MSH3: variants seen among roughly 807,000 people sequenced by gnomAD.
MSH3 encodes the protein DNA mismatch repair protein Msh3.
A neutral mutation model predicts 123.3 loss-of-function variants in MSH3; 106 were observed. That is an observed-to-expected ratio of 0.86 (90% CI 0.73 to 1.01). MSH3 has a LOEUF of 1.01. MSH3 is among the 50% of genes least tolerant of loss of function. The pLI is 0.00. For missense variants in MSH3, 1,459 were observed against 1,347.6 expected, an observed-to-expected ratio of 1.08 and a Z score of -1.29; for synonymous variants, 515 against 481.4, an observed-to-expected ratio of 1.07 and a Z score of -0.91.
At chr5:80,858,734 T>G (rs1454793683) in intron 21 of MSH3, among the ~76,000 whole-genome samples, 1 of 152,168 alleles carries the variant, frequency 6.6e-6, no homozygotes. Context: ...ATTGATGGTG[T>G]TGTTGAGTTC....
At position 80,831,232 on chromosome 5, in the gene MSH3, T is replaced by C. The variant is rs142989726; in HGVS notation, c.2813+17491T>C. Among the ~76,000 whole-genome samples, 905 of 152,366 alleles carry C rather than the reference T, an allele frequency of 5.9e-3. 7 individuals carry two copies. The highest frequency in any genetic ancestry group is 0.02 in the African/African-American group (852 of 41,590). On this transcript the variant is annotated intron_variant, in intron 20 of 23. Coordinates refer to ENST00000265081, the MANE Select transcript of MSH3 (RefSeq NM_002439.5). ...CTTGTCTTAACAGAATGATACGATA[T>C]AATTCTTAAATGTATCATTTGTGAT...
At chr5:80,843,451 G>A (rs972843287) in intron 20 of MSH3, among the ~76,000 whole-genome samples, 7 of 152,132 alleles carry the variant, frequency 4.6e-5, no homozygotes, top group African/African-American at 1.2e-4. Flanking sequence ...CTCTTTCTCT[G>A]TTGATTGGAA....
chr5:80,812,719 C>T (rs1227183478), intron 19 of MSH3, among the ~76,000 whole-genome samples: 1 of 151,750 alleles, frequency 6.6e-6, no homozygotes, highest in East Asian at 1.9e-4. Context: ...GAACTGGCAT[C>T]ATCACACCCA....
chr5:80,763,588 C>T (rs1182191317), intron 13 of MSH3, among the ~76,000 whole-genome samples: 1 of 152,174 alleles, frequency 6.6e-6, no homozygotes, highest in Non-Finnish European at 1.5e-5. Context: ...TCTCCAGGCA[C>T]CTTGCCTTAA....
At chr5:80,868,382 G>A (rs1258241858) in intron 22 of MSH3, among the ~76,000 whole-genome samples, 3 of 151,602 alleles carry the variant, frequency 2.0e-5, no homozygotes, top group Non-Finnish European at 4.4e-5. Context: ...GCTTATCAAC[G>A]GTAGACTGGT....
intron 20 of MSH3, among the ~76,000 whole-genome samples, chr5:80,848,787 G>A (rs1712472099): frequency 6.6e-6 from 1 of 152,014 alleles, no homozygotes; most frequent in African/African-American, 2.4e-5. Flanking sequence ...GATTTGTGTG[G>A]GGACACAGAG....
chr5:80,803,337 G>A (rs1437356009), intron 19 of MSH3, among the ~76,000 whole-genome samples: 2 of 151,988 alleles, frequency 1.3e-5, no homozygotes, highest in Non-Finnish European at 2.9e-5. Flanking sequence ...CAATCATGTT[G>A]CACCTGTTCA....
Position 80,729,456 on chromosome 5 carries a change from GTGTGTATA to G in MSH3, c.1568+493_1568+500del, listed in dbSNP as rs1179309215. ...TGTGTGTGTGTGTGTGTGTGTGTGT[GTGTGTATA>G]TATATATATATATATAAAGAATTCT... is the stretch of plus-strand genomic sequence containing the variant. On this transcript the variant is annotated intron_variant, in intron 10 of 23. Coordinates refer to ENST00000265081, the MANE Select transcript of MSH3 (RefSeq NM_002439.5). Among the ~76,000 whole-genome samples the G allele has an allele frequency of 4.7e-4, 60 of 126,890 alleles. 1 individual carries two copies. In the Middle Eastern group the frequency reaches 0.013, roughly 28 times the overall value. The allele number at this position is 126,890 out of a possible 152,430, so 83.2% of individuals were successfully genotyped here. A position where few individuals can be genotyped will look rare whatever the true frequency, so the allele number is the denominator to read the frequency against.
At chr5:80,731,910 C>T (rs1416436142) in intron 10 of MSH3, among the ~76,000 whole-genome samples, 1 of 152,078 alleles carries the variant, frequency 6.6e-6, no homozygotes, top group African/African-American at 2.4e-5. Context: ...ATAAATTTCA[C>T]TTGAGTTGAC....
chr5:80,817,052 A>G (rs1043880597), intron 20 of MSH3, among the ~76,000 whole-genome samples: 7 of 152,220 alleles, frequency 4.6e-5, no homozygotes, highest in African/African-American at 1.7e-4. Flanking sequence ...GATCATCTTG[A>G]CAGACAGTAT....
chr5:80,768,778 G>A (rs1177643948), intron 14 of MSH3, 57 bp from the exon 15 acceptor site: 10 of 1,420,002 alleles, frequency 7.0e-6, no homozygotes, highest in Admixed American at 3.6e-5. Context: ...AAAAATAAGC[G>A]ATAACTGCTG....
intron 8 of MSH3, among the ~76,000 whole-genome samples, chr5:80,699,558 CAAAAAAAAA>C (rs55795731): frequency 6.4e-5 from 5 of 78,530 alleles, no homozygotes; most frequent in South Asian, 4.4e-4. Context: ...ACACTGTCTC[CAAAAAAAAA>C]AAAAAAAAAA....
chr5:80,869,509 G>T (rs985427562), intron 22 of MSH3, among the ~76,000 whole-genome samples: 1 of 151,876 alleles, frequency 6.6e-6, no homozygotes, highest in Non-Finnish European at 1.5e-5. Context: ...CGCACACAGA[G>T]GTTAAAGGAG....
Position 80,670,326 on chromosome 5 carries a change from G to A in MSH3, c.792+17G>A. 1 of 1,608,246 alleles carries A rather than the reference G, an allele frequency of 6.2e-7. No homozygotes were observed. The highest frequency in any genetic ancestry group is 1.7e-5 in the Admixed American group (1 of 60,018). Reference sequence around the variant, plus strand: ...GATGCAGAGGTAAGTCGTCTTTTCAGGCACTATTTTATATTTTTCTTGTCT... The same window carrying A: ...GATGCAGAGGTAAGTCGTCTTTTCAAGCACTATTTTATATTTTTCTTGTCT... On this transcript the variant is annotated intron_variant, in intron 4 of 23. Transcript: ENST00000265081.
chr5:80,784,090 A>T (rs1580049119), intron 17 of MSH3, among the ~76,000 whole-genome samples: 1 of 151,808 alleles, frequency 6.6e-6, no homozygotes, highest in Non-Finnish European at 1.5e-5. Flanking sequence ...CATGCCTATA[A>T]TCCCAGCTAC....
chr5:80,777,871 G>GCCA (rs995753311), intron 16 of MSH3, among the ~76,000 whole-genome samples: 8 of 151,894 alleles, frequency 5.3e-5, no homozygotes, highest in African/African-American at 1.7e-4. Context: ...AGTGGCAACC[G>GCCA]CCACCACCAC....
chr5:80,692,710 A>T (rs551972632), intron 8 of MSH3, among the ~76,000 whole-genome samples: 38 of 136,524 alleles, frequency 2.8e-4, no homozygotes, highest in African/African-American at 5.9e-4. Context: ...ATACACATGT[A>T]TATGTTTATA....
chr5:80,819,443 T>C (rs1227952624), intron 20 of MSH3, among the ~76,000 whole-genome samples: 4 of 58,210 alleles, frequency 6.9e-5, no homozygotes, highest in Non-Finnish European at 1.3e-4. Context: ...TATATATATG[T>C]ATATGTGTGT....
intron 19 of MSH3, among the ~76,000 whole-genome samples, chr5:80,797,994 A>AGTCGG (rs1418558990): frequency 6.6e-6 from 1 of 152,162 alleles, no homozygotes; most frequent in Non-Finnish European, 1.5e-5. Context: ...CAGCAGTTAA[A>AGTCGG]GTCGGGGTTT....
Sources: allele counts gnomAD v4.1 joint callset (sites outside exome capture counted in the v4.1 genomes callset), GRCh38; gene constraint gnomAD v4.1.1; transcripts MANE v1.5; gene names NCBI Gene and HGNC (gene_info 2026-07-23, HGNC 2026-07-21).